The following HTR4 variants were observed in gnomAD, a reference collection of about 807,000 sequenced individuals.
HTR4 encodes 5-hydroxytryptamine receptor 4.
Under a neutral mutation model 36.8 loss-of-function variants are expected in HTR4, and 16 were observed. That is an observed-to-expected ratio of 0.43 (90% CI 0.29 to 0.66). The LOEUF (loss-of-function observed/expected upper bound fraction) is 0.66. HTR4 is among the 30% of genes least tolerant of loss of function. The probability of loss-of-function intolerance (pLI) is 0.13; values close to 1 mark genes in which losing one functional copy is unlikely to be tolerated. For missense variants in HTR4, 438 were observed against 490.9 expected (o/e 0.89, Z 1.02); for synonymous variants, 189 against 185.1 (o/e 1.02, Z -0.17).
chr5:148,521,229 A>G (rs957639254), intron 5 of HTR4, among the ~76,000 whole-genome samples: 3 of 152,244 alleles, frequency 2.0e-5, no homozygotes, highest in African/African-American at 7.2e-5. Context: ...AAAGGTTAGT[A>G]TCTAGACAGA....
chr5:148,510,107 A>G (rs1185164814), intron 5 of HTR4, 83 bp from the exon 6 acceptor site: 4 of 838,460 alleles, frequency 4.8e-6, no homozygotes, highest in East Asian at 5.3e-5. Flanking sequence ...AAAATGGGGA[A>G]GAGTGTGAGA....
intron 2 of HTR4, among the ~76,000 whole-genome samples, chr5:148,580,857 GATTTCA>G (rs1761105613): frequency 6.6e-6 from 1 of 152,008 alleles, no homozygotes; most frequent in Non-Finnish European, 1.5e-5. Flanking sequence ...TTGAGACCCT[GATTTCA>G]ATTCTTTGGG....
intron 5 of HTR4, among the ~76,000 whole-genome samples, chr5:148,462,436 C>A (rs1162158907): frequency 6.6e-6 from 1 of 151,798 alleles, no homozygotes; most frequent in Non-Finnish European, 1.5e-5. Context: ...TTGACCAATT[C>A]CTTGAAAGAC....
chr5:148,610,706 G>T (rs1346930133), intron 2 of HTR4, among the ~76,000 whole-genome samples: 1 of 151,360 alleles, frequency 6.6e-6, no homozygotes, highest in Non-Finnish European at 1.5e-5. Context: ...AGAGAAGAAG[G>T]CTTTAGACGA....
chr5:148,632,175 T>A (rs188837564), intron 2 of HTR4, among the ~76,000 whole-genome samples: 5 of 152,250 alleles, frequency 3.3e-5, no homozygotes, highest in African/African-American at 1.2e-4. Flanking sequence ...GACGAAGCGA[T>A]TAAAAGGGTT....
chr5:148,641,177 T>C (rs1475524312), intron 1 of HTR4, among the ~76,000 whole-genome samples: 1 of 152,202 alleles, frequency 6.6e-6, no homozygotes, highest in African/African-American at 2.4e-5. Context: ...TGAATACTTA[T>C]ATTTCTGGCT....
intron 5 of HTR4, chr5:148,465,866 T>C (rs201563203): frequency 3.1e-5 from 50 of 1,612,492 alleles, no homozygotes; most frequent in Non-Finnish European, 4.0e-5. Context: ...CTTTCAGAGT[T>C]AGACAGGAAC....
chr5:148,585,099 C>T (rs1373016036), intron 2 of HTR4, among the ~76,000 whole-genome samples: 1 of 152,208 alleles, frequency 6.6e-6, no homozygotes. Flanking sequence ...AGTTACCTAA[C>T]TTCACTGAAT....
chr5:148,516,246 T>A (rs974713421), intron 5 of HTR4, among the ~76,000 whole-genome samples: 2 of 151,460 alleles, frequency 1.3e-5, no homozygotes, highest in Non-Finnish European at 2.9e-5. Flanking sequence ...TACTATTAAA[T>A]TTATCATTAT....
downstream of HTR4, among the ~76,000 whole-genome samples, chr5:148,479,665 C>A (rs1243946602): frequency 1.3e-5 from 2 of 152,136 alleles, no homozygotes; most frequent in African/African-American, 2.4e-5. Context: ...GATTCTAGGA[C>A]CTTCAAAGCC....
At chr5:148,648,107 C>T (rs759453058) in intron 1 of HTR4, among the ~76,000 whole-genome samples, 42 of 152,192 alleles carry the variant, frequency 2.8e-4, no homozygotes, top group South Asian at 6.2e-4. Context: ...GGTGACTATA[C>T]GAGTGTTCAC....
In HTR4 at chr5:148,607,189, T is replaced by C. The variant is rs558882811; in HGVS notation, c.26+29800A>G. Among the ~76,000 whole-genome samples the C allele has an allele frequency of 4.1e-4, 63 of 152,306 alleles. 1 individual carries two copies. The Middle Eastern group carries it at 0.01, about 25-fold the overall frequency. On this transcript the variant is annotated intron_variant, in intron 2 of 6. Coordinates refer to ENST00000377888, the MANE Select transcript of HTR4 (RefSeq NM_000870.7). ...CCAATTCCTCACTTGTAAAATGAGA[T>C]AAAGATATTTATGTTCTTAACACAA...
chr5:148,566,473 A>T (rs1760446400), intron 2 of HTR4, among the ~76,000 whole-genome samples: 1 of 152,176 alleles, frequency 6.6e-6, no homozygotes, highest in Non-Finnish European at 1.5e-5. Context: ...CCTTCAAGGG[A>T]TCTGTGGACG....
At chr5:148,564,154 C>T (rs1447809648) in intron 2 of HTR4, among the ~76,000 whole-genome samples, 1 of 152,194 alleles carries the variant, frequency 6.6e-6, no homozygotes, top group Admixed American at 6.5e-5. Flanking sequence ...ACCTCTCTAG[C>T]TTTATTTCTG....
intron 2 of HTR4, among the ~76,000 whole-genome samples, chr5:148,594,499 T>C (rs1454168937): frequency 6.6e-6 from 1 of 152,150 alleles, no homozygotes; most frequent in African/African-American, 2.4e-5. Flanking sequence ...CTGAAATATG[T>C]TACTAGCCAG....
At chr5:148,457,253 A>G (rs974279689) in intron 5 of HTR4, among the ~76,000 whole-genome samples, 4 of 152,184 alleles carry the variant, frequency 2.6e-5, no homozygotes, top group Non-Finnish European at 4.4e-5. Context: ...ATGAGTGGGT[A>G]TACCTGGGCA....
intron 4 of HTR4, among the ~76,000 whole-genome samples, chr5:148,534,828 C>T (rs779958411): frequency 6.6e-6 from 1 of 152,050 alleles, no homozygotes; most frequent in Non-Finnish European, 1.5e-5. Flanking sequence ...AAGCAAAAGA[C>T]CCTTGTCCAC....
intron 2 of HTR4, among the ~76,000 whole-genome samples, chr5:148,551,188 G>A (rs1020882306): frequency 3.9e-5 from 6 of 152,168 alleles, no homozygotes; most frequent in African/African-American, 1.4e-4. Flanking sequence ...AAGCCATCTT[G>A]TTACAGTGTC....
chr5:148,617,062 T>A (rs1461035399), intron 2 of HTR4, among the ~76,000 whole-genome samples: 1 of 152,212 alleles, frequency 6.6e-6, no homozygotes, highest in Non-Finnish European at 1.5e-5. Flanking sequence ...CCCCTCTAAA[T>A]CTTATGTTGA....
Sources: allele counts gnomAD v4.1 joint callset (sites outside exome capture counted in the v4.1 genomes callset), GRCh38; gene constraint gnomAD v4.1.1; transcripts MANE v1.5; gene names NCBI Gene and HGNC (gene_info 2026-07-23, HGNC 2026-07-21).